Variants in TLK1 observed in about 807,000 individuals in gnomAD.
TLK1 encodes the protein serine/threonine-protein kinase tousled-like 1.
A neutral mutation model predicts 105.3 loss-of-function variants in TLK1; 24 were observed. The ratio of observed to expected loss-of-function variants is 0.23; its 90% CI spans 0.17 to 0.32. The LOEUF is 0.32. Among genes scored for constraint, TLK1 ranks in the 10% least tolerant of loss-of-function variants. The pLI, the probability that TLK1 is intolerant of heterozygous loss-of-function variation, is 1.00. For synonymous variants in TLK1, 321 were observed against 310.4 expected, an observed-to-expected ratio of 1.03 and a Z score of -0.36; for missense variants, 558 against 910.5, an observed-to-expected ratio of 0.61 and a Z score of 4.98.
In TLK1 at chr2:171,141,841, G is replaced by GA. The variant is rs77841021; in HGVS notation, c.139+18448dup. Among the ~76,000 whole-genome samples the GA allele has an allele frequency of 2.6e-3, 390 of 151,868 alleles. 5 individuals are homozygous for GA. In the East Asian group the frequency reaches 0.043, roughly 17 times the overall value. On this transcript the variant is annotated intron_variant, in intron 1 of 20. Transcript: ENST00000431350. ...AGAAAAAAAAGAGTATTTTCAGAGA[G>GA]AAAATCAACCCAGCTAGAAGCCTGG...
chr2:171,105,596 G>C (rs976582056), intron 2 of TLK1, among the ~76,000 whole-genome samples: 4 of 152,266 alleles, frequency 2.6e-5, no homozygotes, highest in African/African-American at 9.6e-5. Flanking sequence ...TGAGGCAGGA[G>C]AATCACTTGA....
intron 2 of TLK1, among the ~76,000 whole-genome samples, chr2:171,114,172 C>T (rs558664032): frequency 6.6e-6 from 1 of 151,906 alleles, no homozygotes; most frequent in East Asian, 1.9e-4. Context: ...CAATTATTCC[C>T]AACTATACTA....
chr2:171,084,087 C>T (rs1688864502), intron 2 of TLK1, among the ~76,000 whole-genome samples: 1 of 152,082 alleles, frequency 6.6e-6, no homozygotes, highest in East Asian at 1.9e-4. Flanking sequence ...CCCCTCAAAA[C>T]ATCAGATGGA....
intron 2 of TLK1, among the ~76,000 whole-genome samples, chr2:171,094,507 AAAAG>A (rs1689372266): frequency 6.6e-6 from 1 of 152,250 alleles, no homozygotes. Context: ...ACGAGAAAGC[AAAAG>A]AAAGACATTT....
intron 3 of TLK1, among the ~76,000 whole-genome samples, chr2:171,071,143 G>A (rs1575572930): frequency 6.6e-6 from 1 of 152,156 alleles, no homozygotes; most frequent in African/African-American, 2.4e-5. Context: ...CTACAGAGTT[G>A]TTTGAGCTCC....
At chr2:171,222,843 C>T (rs967444770) in intron 1 of TLK1, among the ~76,000 whole-genome samples, 1 of 151,864 alleles carries the variant, frequency 6.6e-6, no homozygotes, top group African/African-American at 2.4e-5. Flanking sequence ...GAGATGGAGT[C>T]TCGCTCTGTC....
At chr2:171,043,108 CAG>C (rs1686768915) in intron 11 of TLK1, among the ~76,000 whole-genome samples, 1 of 151,864 alleles carries the variant, frequency 6.6e-6, no homozygotes, top group Admixed American at 6.6e-5. Flanking sequence ...GAAACAGACA[CAG>C]AGAATGAGGG....
intron 2 of TLK1, among the ~76,000 whole-genome samples, chr2:171,085,534 C>T (rs918838942): frequency 2.6e-5 from 4 of 152,004 alleles, no homozygotes; most frequent in African/African-American, 7.3e-5. Flanking sequence ...ACCCAGAAAG[C>T]GAACATCAAA....
rs911685187 is a variant in TLK1 at position 171,160,730 on chromosome 2, C to T, written c.-302G>A. ...GCGGAGGCGTCGAGGGGGTGCCAGC[C>T]GGGCCGGGGTCGGAGCGCGGGCGGA... On this transcript the variant is annotated 5_prime_UTR_variant, in exon 1 of 21. Coordinates refer to ENST00000431350, the MANE Select transcript of TLK1 (RefSeq NM_012290.5). The surrounding 1 kb of genome is among the most constrained non-coding windows in gnomAD (Gnocchi z 4.4). 16 of 449,274 alleles carry T rather than the reference C, an allele frequency of 3.6e-5. No homozygotes were observed. The highest frequency in any genetic ancestry group is 2.4e-4 in the South Asian group (4 of 16,912). The allele number at this position is 449,274 out of a possible 1,614,324, so 27.8% of individuals were successfully genotyped here.
At chr2:171,219,832 C>G (rs1006889453) in intron 1 of TLK1, among the ~76,000 whole-genome samples, 3 of 152,164 alleles carry the variant, frequency 2.0e-5, no homozygotes, top group Non-Finnish European at 4.4e-5. Context: ...AACTCCTGAC[C>G]TCAAGTGATC....
intron 19 of TLK1, 61 bp from the exon 20 acceptor site, chr2:170,996,821 A>G (rs544660669): frequency 1.4e-6 from 2 of 1,415,018 alleles, no homozygotes; most frequent in Middle Eastern, 2.0e-4. Flanking sequence ...CACAGATATC[A>G]TTTCTGTTTA....
chr2:171,003,726 T>C (rs1489698768), intron 18 of TLK1, among the ~76,000 whole-genome samples: 2 of 152,230 alleles, frequency 1.3e-5, no homozygotes, highest in African/African-American at 4.8e-5. Flanking sequence ...CAGTACACAG[T>C]ATGTGGTACA....
chr2:171,046,512 C>T, intron 10 of TLK1, 150 bp from the exon 11 acceptor site: 1 of 818,850 alleles, frequency 1.2e-6, no homozygotes, highest in Non-Finnish European at 1.7e-6. Flanking sequence ...TGTACTTATC[C>T]TTCAGGTCTC....
intron 2 of TLK1, among the ~76,000 whole-genome samples, chr2:171,116,479 T>G: frequency 6.6e-6 from 1 of 152,070 alleles, no homozygotes; most frequent in East Asian, 1.9e-4. Flanking sequence ...GGTGGGTGGA[T>G]CACCTGAGGT....
rs1358863875 is a variant in TLK1, at chr2:171,081,550, A to T, written c.330+1231T>A. On this transcript the variant is annotated intron_variant, in intron 3 of 20. Transcript: ENST00000431350. ...TTTAAAAAACTTTGACTAGAGCTAA[A>T]CCTACAATTTTCAAAGGCTTAGTAT... is the stretch of plus-strand genomic sequence containing the variant. The T allele has an allele frequency of 3.7e-6, 3 of 821,820 alleles. No homozygotes were observed. The African/African-American group carries it at 5.4e-5, about 15-fold the overall frequency. 50.9% of individuals were successfully genotyped at this position (821,820 alleles called of 1,614,324 possible).
At chr2:171,113,816 G>A (rs1690289962) in intron 2 of TLK1, among the ~76,000 whole-genome samples, 1 of 152,116 alleles carries the variant, frequency 6.6e-6, no homozygotes, top group Non-Finnish European at 1.5e-5. Context: ...AACAGAAACT[G>A]TAGAATATCT....
chr2:171,061,359 C>T (rs1395224496), intron 3 of TLK1, among the ~76,000 whole-genome samples: 1 of 152,056 alleles, frequency 6.6e-6, no homozygotes, highest in African/African-American at 2.4e-5. Flanking sequence ...GTAGAGAAGA[C>T]CTTGTACATA....
chr2:171,069,676 T>C (rs1688163783), intron 3 of TLK1, among the ~76,000 whole-genome samples: 1 of 152,210 alleles, frequency 6.6e-6, no homozygotes, highest in African/African-American at 2.4e-5. Context: ...AGTTGGTACA[T>C]AAAACTAACT....
At chr2:171,215,730 T>C (rs1575662159) in intron 1 of TLK1, among the ~76,000 whole-genome samples, 1 of 152,232 alleles carries the variant, frequency 6.6e-6, no homozygotes, top group Non-Finnish European at 1.5e-5. Flanking sequence ...CTTTATAGTC[T>C]GTCAGAGGCC....
Sources: gnomAD v4.1 joint callset for allele counts (sites outside exome capture counted in the v4.1 genomes callset) on GRCh38, gnomAD v4.1.1 for gene constraint, Gnocchi (gnomAD v3.1) non-coding constraint, MANE v1.5 for transcripts, NCBI Gene and HGNC (gene_info 2026-07-23, HGNC 2026-07-21) for gene names.